Variants in GIMAP7 observed in about 807,000 individuals in gnomAD.
GIMAP7 encodes the protein GTPase IMAP family member 7.
For missense variants in GIMAP7, 323 were observed against 359.7 expected, an observed-to-expected ratio of 0.90 and a Z score of 0.83; for synonymous variants, 137 against 129.3, an observed-to-expected ratio of 1.06 and a Z score of -0.40.
intron 1 of GIMAP7, among the ~76,000 whole-genome samples, chr7:150,519,007 A>G (rs900959478): frequency 6.6e-6 from 1 of 152,138 alleles, no homozygotes; most frequent in Admixed American, 6.5e-5. Flanking sequence ...ATGTAATTGA[A>G]TGGAATATAA....
In GIMAP7 at chr7:150,514,944, A is replaced by T. The variant is rs1795120051; in HGVS notation, c.-43A>T. On this transcript the variant is annotated splice_region_variant and 5_prime_UTR_variant, in exon 1 of 2. It adds an upstream start codon to the 5' untranslated region. Transcript: ENST00000313543. ...CTGAAAATTCAACTTGTTCAAGAGA[A>T]GGTGAGCCTGGCTGAGAAGAGGGTC... 1 of 152,598 alleles carries T rather than the reference A, an allele frequency of 6.6e-6. No individual in the cohort carries two copies. Among genetic ancestry groups the T allele is most frequent in the South Asian group, 2.1e-4 (1 of 4,834 alleles). 9.5% of individuals were successfully genotyped at this position (152,598 alleles called of 1,614,324 possible). A position where few individuals can be genotyped will look rare whatever the true frequency, so the allele number is the denominator to read the frequency against.
Position 150,521,021 on chromosome 7 carries a change from T to TAC in GIMAP7, c.*145_*146insCA, listed in dbSNP as rs1465651485. The stretch of plus-strand genomic sequence containing the variant: ...ATATAATGTGATTTTTAAATATATA[T>TAC]ATATATATACACACATTGTGAAATA... On this transcript the variant is annotated 3_prime_UTR_variant, in exon 2 of 2. Coordinates refer to ENST00000313543, the MANE Select transcript of GIMAP7 (RefSeq NM_153236.4). 5 of 259,632 alleles carry TAC rather than the reference T, an allele frequency of 1.9e-5. 1 individual carries two copies. Among genetic ancestry groups the TAC allele is most frequent in the Admixed American group, 5.2e-5 (1 of 19,122 alleles). 16.1% of individuals were successfully genotyped at this position (259,632 alleles called of 1,614,324 possible).
chr7:150,516,856 C>T (rs1322068266), intron 1 of GIMAP7, among the ~76,000 whole-genome samples: 1 of 152,100 alleles, frequency 6.6e-6, no homozygotes, highest in East Asian at 1.9e-4. Context: ...TAAAGTTTGA[C>T]TTTGTTTTTT....
chr7:150,520,997 T>C lies in GIMAP7; in HGVS notation c.*120T>C, dbSNP rs1161312420. 8.9e-6 allele frequency: 3 copies of C among 337,966 alleles called. No individual in the cohort carries two copies. The highest frequency in any genetic ancestry group is 1.5e-5 in the Non-Finnish European group (3 of 202,600). The allele number at this position is 337,966 out of a possible 1,614,324, so 20.9% of individuals were successfully genotyped here. A position where few individuals can be genotyped will look rare whatever the true frequency, so the allele number is the denominator to read the frequency against. The stretch of plus-strand genomic sequence containing the variant: ...ATAAAAATAAAATATGTTTAATGTA[T>C]ATAATGTGATTTTTAAATATATATA... On this transcript the variant is annotated 3_prime_UTR_variant, in exon 2 of 2. Coordinates refer to ENST00000313543, the MANE Select transcript of GIMAP7 (RefSeq NM_153236.4).
intron 1 of GIMAP7, among the ~76,000 whole-genome samples, chr7:150,516,117 C>A (rs1363327425): frequency 6.6e-6 from 1 of 152,120 alleles, no homozygotes; most frequent in Non-Finnish European, 1.5e-5. Flanking sequence ...ACACCAGCTT[C>A]CTCATTTAAA....
chr7:150,520,559 C>T lies in GIMAP7; in HGVS notation c.585C>T (p.Cys195=). 1 of 1,614,026 alleles carries T rather than the reference C, an allele frequency of 6.2e-7. No individual in the cohort carries two copies. Among genetic ancestry groups the T allele is most frequent in the African/African-American group, 1.3e-5 (1 of 74,976 alleles). Reference sequence around the variant, plus strand: ...AGCTGATAGAGAAAATGGTGCAGTGCAACGAAGGGGCTTACTTTTCTGATG... The same window carrying T: ...AGCTGATAGAGAAAATGGTGCAGTGTAACGAAGGGGCTTACTTTTCTGATG... ...LVELIEKMVQ[C]NEGAYFSDDI... Residue 195 remains cysteine (C), a synonymous_variant, in exon 2 of 2, where the codon TGC becomes TGT. Coordinates refer to ENST00000313543, the MANE Select transcript of GIMAP7 (RefSeq NM_153236.4).
chr7:150,517,928 T>A (rs977567652), intron 1 of GIMAP7, among the ~76,000 whole-genome samples: 1 of 152,060 alleles, frequency 6.6e-6, no homozygotes, highest in Admixed American at 6.5e-5. Context: ...CTTTTTCACA[T>A]GCACATAAAA....
rs1431794872 is a variant in GIMAP7, at chr7:150,518,944, T to G, written c.-41-990T>G. 5.3e-5 allele frequency among the ~76,000 whole-genome samples: 8 copies of G among 151,786 alleles called. No individual in the cohort carries two copies. In the East Asian group the frequency reaches 1.5e-3, roughly 29 times the overall value. On this transcript the variant is annotated intron_variant, in intron 1 of 1. Coordinates refer to ENST00000313543, the MANE Select transcript of GIMAP7 (RefSeq NM_153236.4). ...GTTATTTCAGTGTTGCTAATAAAAG[T>G]GTCCATCATCTTTCCCATTGGTATG...
intron 1 of GIMAP7, among the ~76,000 whole-genome samples, chr7:150,516,619 ATACAT>A (rs1223556822): frequency 6.6e-6 from 1 of 152,236 alleles, no homozygotes; most frequent in Non-Finnish European, 1.5e-5. Context: ...AGTAAAATTC[ATACAT>A]TACAATTGTT....
Position 150,520,917 on chromosome 7 carries a change from A to G in GIMAP7, c.*40A>G. 1 of 1,058,612 alleles carries G rather than the reference A, an allele frequency of 9.4e-7. No homozygotes were observed. Among genetic ancestry groups the G allele is most frequent in the Non-Finnish European group, 1.3e-6 (1 of 765,610 alleles). The allele number at this position is 1,058,612 out of a possible 1,614,324, so 65.6% of individuals were successfully genotyped here. On this transcript the variant is annotated 3_prime_UTR_variant, in exon 2 of 2. Transcript: ENST00000313543. Reference sequence around the variant, plus strand: ...TTAATGGATGAATTGTATTTTGCAAAGATAGTTAGAGAAATACCTCCTTCC... The same window carrying G: ...TTAATGGATGAATTGTATTTTGCAAGGATAGTTAGAGAAATACCTCCTTCC...
chr7:150,517,111 T>G (rs968963285), intron 1 of GIMAP7, among the ~76,000 whole-genome samples: 3 of 152,236 alleles, frequency 2.0e-5, no homozygotes, highest in Non-Finnish European at 2.9e-5. Context: ...AAAGATGAGA[T>G]GTATGAAAGA....
At position 150,520,524 on chromosome 7, in the gene GIMAP7, G is replaced by C. The variant is rs755267224; in HGVS notation, c.550G>C (p.Glu184Gln). ...GGCAGAGAAGGAAAGTCAAGTGCAGGAGTTGGTGGAGCTGATAGAGAAAAT... is the reference window on the plus strand; with the variant it reads ...GGCAGAGAAGGAAAGTCAAGTGCAGCAGTTGGTGGAGCTGATAGAGAAAAT... ...SKAEKESQVQ[E>Q]LVELIEKMVQ... The change falls in exon 2 of 2, where the codon GAG becomes CAG. Residue 184 changes from glutamate (E) to glutamine (Q), a missense_variant. Physicochemically the swap from Glu to Gln is conservative, Grantham distance 29. Coordinates refer to ENST00000313543, the MANE Select transcript of GIMAP7 (RefSeq NM_153236.4). 3 of 1,614,088 alleles carry C rather than the reference G, an allele frequency of 1.9e-6. No individual in the cohort carries two copies. Among genetic ancestry groups the C allele is most frequent in the Middle Eastern group, 1.6e-4 (1 of 6,084 alleles).
Position 150,520,020 on chromosome 7 carries a change from A to T in GIMAP7, c.46A>T (p.Lys16Ter). 1 of 1,614,160 alleles carries T rather than the reference A, an allele frequency of 6.2e-7. No homozygotes were observed. Among genetic ancestry groups the T allele is most frequent in the Non-Finnish European group, 8.5e-7 (1 of 1,180,030 alleles). ...CTCCCTGAGGATCGTTCTGGTAGGG[A>T]AAACTGGAAGTGGGAAAAGTGCAAC... ...DRSLRIVLVG[K>*]TGSGKSATAN... The change falls in exon 2 of 2, where the codon AAA (lysine) becomes TAA (stop). Residue 16 changes from lysine (K) to a stop codon, truncating the protein, a stop_gained. Coordinates refer to ENST00000313543, the MANE Select transcript of GIMAP7 (RefSeq NM_153236.4). LOFTEE classifies it low-confidence loss of function (END_TRUNC).
intron 1 of GIMAP7, among the ~76,000 whole-genome samples, chr7:150,516,063 C>A (rs10254829): frequency 0.76 from 115,359 of 152,124 alleles, 43,909 homozygotes; most frequent in East Asian, 0.85. Flanking sequence ...CCCAATACCT[C>A]TTAGCACAGT....
chr7:150,520,614 A>T lies in GIMAP7; in HGVS notation c.640A>T (p.Lys214Ter). The T allele has an allele frequency of 6.2e-7, 1 of 1,613,770 alleles. No homozygotes were observed. Among genetic ancestry groups the T allele is most frequent in the Non-Finnish European group, 8.5e-7 (1 of 1,179,920 alleles). Residue 214 changes from lysine (K) to a stop codon, truncating the protein, a stop_gained, in exon 2 of 2, where the codon AAA becomes TAA. Transcript: ENST00000313543. LOFTEE classifies it low-confidence loss of function (END_TRUNC). ...ATACAAGGACACAGAGGAAAGGCTG[A>T]AACAACGGGAAGAGGTTTTGAGGAA... ...DIYKDTEERL[K>*]QREEVLRKIY...
intron 1 of GIMAP7, among the ~76,000 whole-genome samples, chr7:150,519,491 AGT>A (rs1256498116): frequency 2.0e-5 from 3 of 152,194 alleles, no homozygotes; most frequent in Non-Finnish European, 4.4e-5. Context: ...ATTATTTATT[AGT>A]GTCTAATAAT....
Position 150,520,060 on chromosome 7 carries a change from T to C in GIMAP7, c.86T>C (p.Leu29Pro). 6.2e-7 allele frequency: 1 copy of C among 1,614,128 alleles called. No individual in the cohort carries two copies. The highest frequency in any genetic ancestry group is 8.5e-7 in the Non-Finnish European group (1 of 1,180,014). Reference sequence around the variant, plus strand: ...AAAAGTGCAACAGCGAACACCATCCTTGGAGAGGAAATCTTTGATTCTAGA... The same window carrying C: ...AAAAGTGCAACAGCGAACACCATCCCTGGAGAGGAAATCTTTGATTCTAGA... Reference protein sequence around the residue: ...SGKSATANTILGEEIFDSRIA... With the variant: ...SGKSATANTIPGEEIFDSRIA... The change falls in exon 2 of 2, where the codon CTT (leucine) becomes CCT (proline). Residue 29 changes from leucine to proline, a missense_variant. Coordinates refer to ENST00000313543, the MANE Select transcript of GIMAP7 (RefSeq NM_153236.4).
rs984206958 is a variant in GIMAP7, at chr7:150,520,841, T to C, written c.867T>C (p.His289=). The change falls in exon 2 of 2, where the codon CAT becomes CAC. Residue 289 remains histidine, a synonymous_variant. Transcript: ENST00000313543. ...RIWKMLSEIW[H]RFLSKCKFYS... is the part of the protein sequence containing the mutation. ...GGAAGATGCTTTCAGAAATATGGCA[T>C]AGGTTTTTGTCGAAATGTAAGTTTT... The C allele has an allele frequency of 2.7e-6, 4 of 1,486,042 alleles. No homozygotes were observed. The highest frequency in any genetic ancestry group is 3.6e-6 in the Non-Finnish European group (4 of 1,116,466). The allele number at this position is 1,486,042 out of a possible 1,614,324, so 92.1% of individuals were successfully genotyped here.
At chr7:150,516,219 G>A (rs974757732) in intron 1 of GIMAP7, among the ~76,000 whole-genome samples, 1 of 152,182 alleles carries the variant, frequency 6.6e-6, no homozygotes, top group Non-Finnish European at 1.5e-5. Flanking sequence ...GTTCTGATAT[G>A]CAGTCTCTGC....
Sources: gnomAD v4.1 joint callset for allele counts (sites outside exome capture counted in the v4.1 genomes callset) on GRCh38, gnomAD v4.1.1 for gene constraint, MANE v1.5 for transcripts, NCBI Gene and HGNC (gene_info 2026-07-23, HGNC 2026-07-21) for gene names.